The following HENMT1 variants were observed in gnomAD, a reference collection of about 807,000 sequenced individuals.
HENMT1 encodes the protein HEN methyltransferase 1, also known as small RNA 2'-O-methyltransferase.
A neutral mutation model predicts 31.1 loss-of-function variants in HENMT1; 27 were observed. The observed-to-expected ratio is 0.87, with a 90% CI of 0.64 to 1.20. The LOEUF is 1.20. Ranked by LOEUF, HENMT1 falls within the 50% of genes most tolerant of loss-of-function variation. HENMT1 has a pLI of 0.00. For synonymous variants in HENMT1, 167 were observed against 172.2 expected, an observed-to-expected ratio of 0.97 and a Z score of 0.24; for missense variants, 438 against 469.6, an observed-to-expected ratio of 0.93 and a Z score of 0.62.
chr1:108,649,825 G>GT (rs944067562), intron 7 of HENMT1, among the ~76,000 whole-genome samples: 1 of 152,052 alleles, frequency 6.6e-6, no homozygotes, highest in East Asian at 1.9e-4. Context: ...TATTCTGGGT[G>GT]TTTTTTTGTA....
intron 1 of HENMT1, 66 bp from the exon 2 acceptor site, chr1:108,660,028 G>C: frequency 2.5e-6 from 2 of 813,702 alleles, no homozygotes; most frequent in Non-Finnish European, 3.6e-6. Flanking sequence ...TAGTTCAGAA[G>C]GGAAGAACGA....
Position 108,657,490 on chromosome 1 carries a change from C to G in HENMT1, c.111G>C (p.Gln37His). Residue 37 changes from glutamine (Q) to histidine (H), a missense_variant, in exon 3 of 8, where the codon CAG (glutamine) becomes CAC (histidine). Physicochemically the swap from Gln to His is conservative, Grantham distance 24. Coordinates refer to ENST00000651461, the MANE Select transcript of HENMT1 (RefSeq NM_001102592.2). Reference sequence around the variant, plus strand: ...GTTGATCCACTAAATTTTTAACGAACTGGTACCGCTGTCTGTATAGTGGAG... The same window carrying G: ...GTTGATCCACTAAATTTTTAACGAAGTGGTACCGCTGTCTGTATAGTGGAG... ...FKPPLYRQRY[Q>H]FVKNLVDQHE... 1.2e-6 allele frequency: 2 copies of G among 1,609,992 alleles called. No individual in the cohort carries two copies. Among genetic ancestry groups the G allele is most frequent in the African/African-American group, 2.7e-5 (2 of 74,896 alleles).
intron 3 of HENMT1, 90 bp downstream of exon 3, chr1:108,657,361 G>T: frequency 1.1e-6 from 1 of 899,340 alleles, no homozygotes; most frequent in Non-Finnish European, 1.8e-6. Flanking sequence ...CCTGTGAAAA[G>T]TCTCTCCATA....
intron 2 of HENMT1, among the ~76,000 whole-genome samples, chr1:108,658,282 C>T (rs1479283919): frequency 6.6e-6 from 1 of 152,044 alleles, no homozygotes; most frequent in Non-Finnish European, 1.5e-5. Flanking sequence ...ACATTACAGG[C>T]ATGCGCCACC....
chr1:108,653,885 AC>A (rs1658135994), intron 5 of HENMT1, among the ~76,000 whole-genome samples: 1 of 152,108 alleles, frequency 6.6e-6, no homozygotes, highest in Non-Finnish European at 1.5e-5. Flanking sequence ...CTGTGCAGAA[AC>A]CTTTCAGTTT....
rs1433347446 is a variant in HENMT1, at chr1:108,648,969, CTTGGGTATG to C, written c.770_778del (p.Ser257_Ser260delinsCys). On this transcript the variant is annotated inframe_deletion, in exon 8 of 8. Transcript: ENST00000651461. The stretch of plus-strand genomic sequence containing the variant: ...TTTAAAGAACCTTTCCTGCTGTAAG[CTTGGGTATG>C]AGGTGGTAAAAACCTGAAGGGAAAA... 1.2e-6 allele frequency: 2 copies of C among 1,606,456 alleles called. No homozygotes were observed. Among genetic ancestry groups the C allele is most frequent in the African/African-American group, 2.7e-5 (2 of 74,690 alleles).
chr1:108,650,933 C>A, intron 6 of HENMT1, 97 bp downstream of exon 6: 1 of 831,802 alleles, frequency 1.2e-6, no homozygotes, highest in Non-Finnish European at 1.9e-6. Flanking sequence ...GAAGAAAGTA[C>A]AAAACAATTT....
At chr1:108,656,642 C>T (rs1468481743) in intron 3 of HENMT1, among the ~76,000 whole-genome samples, 2 of 152,144 alleles carry the variant, frequency 1.3e-5, no homozygotes, top group Admixed American at 1.3e-4. Flanking sequence ...CCACCATGCA[C>T]AGCTAATTTT....
At chr1:108,654,502 G>A (rs186533669) in intron 5 of HENMT1, among the ~76,000 whole-genome samples, 47 of 152,210 alleles carry the variant, frequency 3.1e-4, no homozygotes, top group African/African-American at 1.1e-3. Flanking sequence ...GGGGGGTATA[G>A]GTATTCTTGG....
At chr1:108,649,220 A>T in intron 7 of HENMT1, 2 of 626,130 alleles carry the variant, frequency 3.2e-6, no homozygotes, top group Non-Finnish European at 2.9e-6. Context: ...TCTCCCAGCC[A>T]GGTTTCTACC....
chr1:108,651,005 T>C, intron 6 of HENMT1, 25 bp downstream of exon 6: 1 of 1,557,676 alleles, frequency 6.4e-7, no homozygotes, highest in Non-Finnish European at 8.8e-7. Context: ...GGATCCCAAA[T>C]AAACAAAAAC....
At chr1:108,653,919 TC>T (rs1384636333) in intron 5 of HENMT1, among the ~76,000 whole-genome samples, 1 of 152,220 alleles carries the variant, frequency 6.6e-6, no homozygotes, top group African/African-American at 2.4e-5. Flanking sequence ...TTTGTGTATT[TC>T]TGTTTGTAGC....
In HENMT1 at chr1:108,648,760, G is replaced by A. The variant is rs770230443; in HGVS notation, c.988C>T (p.Pro330Ser). The change falls in exon 8 of 8, where the codon CCC becomes TCC. Residue 330 changes from proline (P) to serine (S), a missense_variant. Pro to Ser is a moderately conservative substitution (Grantham distance 74). Coordinates refer to ENST00000651461, the MANE Select transcript of HENMT1 (RefSeq NM_001102592.2). ...EVEKAKIENS[P>S]TPFCVGDKFF... The stretch of plus-strand genomic sequence containing the variant: ...TTATCTCCAACACAGAAGGGTGTGG[G>A]AGAGTTCTCTATCTTGGCCTTCTCA... 2 of 1,614,078 alleles carry A rather than the reference G, an allele frequency of 1.2e-6. No individual in the cohort carries two copies. The highest frequency in any genetic ancestry group is 1.7e-6 in the Non-Finnish European group (2 of 1,180,050).
Position 108,651,101 on chromosome 1 carries a change from G to A in HENMT1, c.507C>T (p.Pro169=), listed in dbSNP as rs200210462. The A allele has an allele frequency of 1.4e-5, 23 of 1,613,644 alleles. No homozygotes were observed. Among genetic ancestry groups the A allele is most frequent in the Non-Finnish European group, 1.9e-5 (23 of 1,179,684 alleles). ...VISTPNSEFN[P]LFPSVTLRDS... ...CTCTTAAGGTCACTGATGGAAACAG[G>A]GGATTGAATTCAGAGTTTGGTGTGC... Residue 169 remains proline (P), a synonymous_variant, in exon 6 of 8, where the codon CCC becomes CCT. Transcript: ENST00000651461.
chr1:108,652,198 G>A (rs1658078047), intron 5 of HENMT1, among the ~76,000 whole-genome samples: 1 of 152,114 alleles, frequency 6.6e-6, no homozygotes, highest in South Asian at 2.1e-4. Context: ...AGACATTACT[G>A]GAACAAATGA....
intron 7 of HENMT1, chr1:108,649,913 C>A: frequency 2.3e-6 from 1 of 436,042 alleles, no homozygotes; most frequent in South Asian, 2.0e-5. Flanking sequence ...CTTGGCCTCC[C>A]AACATGCTAG....
At position 108,648,596 on chromosome 1, in the gene HENMT1, A is replaced by T. The variant is rs1283414724; in HGVS notation, c.1152T>A (p.Arg384=). 6.2e-7 allele frequency: 1 copy of T among 1,613,926 alleles called. No homozygotes were observed. Among genetic ancestry groups the T allele is most frequent in the South Asian group, 1.1e-5 (1 of 91,078 alleles). The part of the protein sequence containing the change: ...SDGSAVVADL[R]NYFDEQFEF ...ACTCAAACTGTTCATCAAAATAATT[A>T]CGCAGGTCAGCCACCACTGCAGAAC... Residue 384 remains arginine, a synonymous_variant, in exon 8 of 8, where the codon CGT becomes CGA. Transcript: ENST00000651461.
intron 2 of HENMT1, among the ~76,000 whole-genome samples, 194 bp from the exon 3 acceptor site, chr1:108,657,773 C>G (rs1570638247): frequency 6.6e-6 from 1 of 152,176 alleles, no homozygotes; most frequent in East Asian, 1.9e-4. Context: ...TCCTCTCATG[C>G]CTTTTAACAA....
chr1:108,656,380 T>C (rs1346771939), intron 3 of HENMT1, among the ~76,000 whole-genome samples: 1 of 152,222 alleles, frequency 6.6e-6, no homozygotes, highest in Admixed American at 6.5e-5. Flanking sequence ...CTTACCCGCA[T>C]CTAATTCACA....
Sources: allele counts gnomAD v4.1 joint callset (sites outside exome capture counted in the v4.1 genomes callset), GRCh38; gene constraint gnomAD v4.1.1; transcripts MANE v1.5; gene names NCBI Gene and HGNC (gene_info 2026-07-23, HGNC 2026-07-21).